Variants in LDB2 observed in about 807,000 individuals in gnomAD.
LDB2 encodes the protein LIM domain-binding protein 2.
LDB2 carries 12 observed loss-of-function variants against 44.3 expected under a neutral mutation model. The observed-to-expected ratio is 0.27, with a 90% CI of 0.17 to 0.44. The LOEUF (loss-of-function observed/expected upper bound fraction) is 0.44. LDB2 is among the 20% of genes least tolerant of loss of function. The pLI, the probability that LDB2 is intolerant of heterozygous loss-of-function variation, is 1.00. For synonymous variants in LDB2, 164 were observed against 174.8 expected (o/e 0.94, Z 0.49); for missense variants, 344 against 473.5 (o/e 0.73, Z 2.54).
intron 2 of LDB2, among the ~76,000 whole-genome samples, chr4:16,643,838 C>A (rs151158632): frequency 2.0e-5 from 3 of 152,024 alleles, no homozygotes; most frequent in Non-Finnish European, 4.4e-5. Flanking sequence ...TATTATAATA[C>A]ATCATTTTAT....
intron 1 of LDB2, among the ~76,000 whole-genome samples, chr4:16,761,504 C>CG (rs1200295291): frequency 1.3e-5 from 2 of 152,260 alleles, no homozygotes; most frequent in East Asian, 3.9e-4. Flanking sequence ...CACATCATGG[C>CG]GGAATTCAGT....
chr4:16,579,136 TA>T (rs533742943), intron 5 of LDB2, among the ~76,000 whole-genome samples: 7 of 151,718 alleles, frequency 4.6e-5, no homozygotes, highest in African/African-American at 1.7e-4. Context: ...GTGACTACAG[TA>T]AAAAAATAAT....
At chr4:16,832,529 T>C (rs1784244452) in intron 1 of LDB2, among the ~76,000 whole-genome samples, 1 of 152,260 alleles carries the variant, frequency 6.6e-6, no homozygotes, top group Admixed American at 6.5e-5. Flanking sequence ...TTAATACTTT[T>C]TTAGAGAAAA....
At chr4:16,768,947 C>T (rs1769987950) in intron 1 of LDB2, among the ~76,000 whole-genome samples, 1 of 152,204 alleles carries the variant, frequency 6.6e-6, no homozygotes, top group South Asian at 2.1e-4. Context: ...CGAAAGAGTT[C>T]AACCCCAAGG....
At chr4:16,629,482 C>G (rs1033796244) in intron 2 of LDB2, among the ~76,000 whole-genome samples, 2 of 152,076 alleles carry the variant, frequency 1.3e-5, no homozygotes, top group Non-Finnish European at 2.9e-5. Context: ...GTGATACCCA[C>G]GCAAACAGGG....
chr4:16,876,738 TA>T (rs1198503975), intron 1 of LDB2, among the ~76,000 whole-genome samples: 1 of 152,074 alleles, frequency 6.6e-6, no homozygotes, highest in East Asian at 1.9e-4. Context: ...GAAAAAGCAT[TA>T]AACTGATCCC....
intron 5 of LDB2, among the ~76,000 whole-genome samples, chr4:16,564,844 C>T (rs536159664): frequency 2.2e-4 from 34 of 152,254 alleles, no homozygotes; most frequent in Admixed American, 1.5e-3. Flanking sequence ...GAAATAACTT[C>T]AGTGCCATCC....
At chr4:16,892,071 A>G (rs1009145154) in intron 1 of LDB2, among the ~76,000 whole-genome samples, 14 of 152,302 alleles carry the variant, frequency 9.2e-5, no homozygotes, top group African/African-American at 2.9e-4. Flanking sequence ...AAAAGCACCT[A>G]GTATTCATAC....
chr4:16,503,778 T>G (rs747334991), intron 7 of LDB2, among the ~76,000 whole-genome samples: 2 of 152,196 alleles, frequency 1.3e-5, no homozygotes, highest in Non-Finnish European at 2.9e-5. Context: ...GAAGAATCCA[T>G]CTAATCACTC....
At chr4:16,739,662 G>A (rs56075293) in intron 2 of LDB2, among the ~76,000 whole-genome samples, 2 of 54,486 alleles carry the variant, frequency 3.7e-5, no homozygotes, top group African/African-American at 1.4e-4. Context: ...GTGTATATAT[G>A]TATATATACA....
At chr4:16,567,095 T>C (rs1347470726) in intron 5 of LDB2, among the ~76,000 whole-genome samples, 1 of 152,214 alleles carries the variant, frequency 6.6e-6, no homozygotes, top group African/African-American at 2.4e-5. Context: ...AAAATTACAA[T>C]GTATATATCT....
rs547755310 is a variant in LDB2, at chr4:16,600,366, T to C, written c.236-4491A>G. ...TTTTGTTGGAGTGAGATTAAGATTA[T>C]AGTAGATTATAAAGGCGATGGTATT... On this transcript the variant is annotated intron_variant, in intron 2 of 7. Coordinates refer to ENST00000304523, the MANE Select transcript of LDB2 (RefSeq NM_001290.5). Among the ~76,000 whole-genome samples, 4 of 152,312 alleles carry C rather than the reference T, an allele frequency of 2.6e-5. No homozygotes were observed. In the South Asian group the frequency reaches 8.3e-4, roughly 32 times the overall value.
intron 1 of LDB2, among the ~76,000 whole-genome samples, chr4:16,836,946 G>A (rs1464111361): frequency 6.6e-6 from 1 of 152,142 alleles, no homozygotes; most frequent in Non-Finnish European, 1.5e-5. Flanking sequence ...ATTTTAAATG[G>A]TCATTCATAT....
intron 2 of LDB2, among the ~76,000 whole-genome samples, chr4:16,695,813 A>C (rs1751999299): frequency 1.3e-5 from 2 of 151,008 alleles, no homozygotes; most frequent in African/African-American, 2.4e-5. Context: ...GTCATAAAAA[A>C]TTATTCTTCT....
chr4:16,546,738 A>G (rs547355446), intron 5 of LDB2, among the ~76,000 whole-genome samples: 124 of 152,160 alleles, frequency 8.1e-4, no homozygotes, highest in Non-Finnish European at 1.7e-3. Context: ...TCTCAGTGGT[A>G]TTTAACCTTG....
chr4:16,813,747 A>G (rs1780343602), intron 1 of LDB2, among the ~76,000 whole-genome samples: 1 of 152,170 alleles, frequency 6.6e-6, no homozygotes, highest in Admixed American at 6.5e-5. Flanking sequence ...AGAGGCCAAA[A>G]CAAACTCAAT....
intron 1 of LDB2, among the ~76,000 whole-genome samples, chr4:16,821,159 A>G (rs1237399618): frequency 6.6e-6 from 1 of 152,184 alleles, no homozygotes; most frequent in Non-Finnish European, 1.5e-5. Context: ...CTTCCGTGTT[A>G]AATTGTCTCG....
chr4:16,842,125 C>T (rs555390071), intron 1 of LDB2, among the ~76,000 whole-genome samples: 59 of 152,264 alleles, frequency 3.9e-4, no homozygotes, highest in African/African-American at 1.2e-3. Flanking sequence ...TAATTCTACT[C>T]CACACATTAT....
intron 5 of LDB2, among the ~76,000 whole-genome samples, chr4:16,563,970 T>C (rs1056206795): frequency 2.6e-5 from 4 of 152,170 alleles, no homozygotes; most frequent in Non-Finnish European, 5.9e-5. Flanking sequence ...GAATAAATAC[T>C]CAATTACAGT....
Sources: gnomAD v4.1 joint callset for allele counts (sites outside exome capture counted in the v4.1 genomes callset) on GRCh38, gnomAD v4.1.1 for gene constraint, MANE v1.5 for transcripts, NCBI Gene and HGNC (gene_info 2026-07-23, HGNC 2026-07-21) for gene names.